Variants in CD226 observed in about 807,000 individuals in gnomAD.
CD226 encodes the protein CD226 molecule, also known as CD226 antigen.
A neutral mutation model predicts 34.9 loss-of-function variants in CD226; 24 were observed. That is an observed-to-expected ratio of 0.69 (90% CI 0.50 to 0.97). CD226 has a LOEUF of 0.97. Ranked by LOEUF, CD226 falls within the 50% of genes least tolerant of loss-of-function variation. The pLI, the probability that CD226 is intolerant of heterozygous loss-of-function variation, is 0.00. For synonymous variants in CD226, 148 were observed against 147.4 expected, an observed-to-expected ratio of 1.00 and a Z score of -0.03; for missense variants, 397 against 412.7, an observed-to-expected ratio of 0.96 and a Z score of 0.33.
chr18:69,932,899 G>C (rs1031010818), intron 2 of CD226, among the ~76,000 whole-genome samples: 9 of 152,166 alleles, frequency 5.9e-5, no homozygotes, highest in African/African-American at 2.2e-4. Context: ...ATGAGGGACT[G>C]GGACATTTCT....
intron 2 of CD226, among the ~76,000 whole-genome samples, chr18:69,939,053 T>C (rs2055690353): frequency 1.3e-5 from 2 of 152,106 alleles, no homozygotes; most frequent in African/African-American, 2.4e-5. Context: ...GCCACTGCAC[T>C]CCAGCCTGGG....
chr18:69,934,582 T>C (rs137862452), intron 2 of CD226, among the ~76,000 whole-genome samples: 1,884 of 152,338 alleles, frequency 0.012, 24 homozygotes, highest in South Asian at 0.037. Context: ...AGTATGAATA[T>C]TGTGTTTTAC....
Position 69,895,726 on chromosome 18 carries a change from G to T in CD226, c.702C>A (p.Phe234Leu), listed in dbSNP as rs766509590. Residue 234 changes from phenylalanine (F) to leucine (L), a missense_variant, in exon 3 of 6, where the codon TTC (phenylalanine) becomes TTA (leucine). Coordinates refer to ENST00000582621, the MANE Select transcript of CD226 (RefSeq NM_001303618.2). ...CCTCGGCTACAGTCAATCTCATCACGAAGGTTTCGTTTTCTCCTGCGCTGG... is the reference window on the plus strand; with the variant it reads ...CCTCGGCTACAGTCAATCTCATCACTAAGGTTTCGTTTTCTCCTGCGCTGG... The part of the protein sequence containing the change: ...LQASAGENET[F>L]VMRLTVAEGK... The T allele has an allele frequency of 1.1e-5, 18 of 1,613,470 alleles. No homozygotes were observed. In the Admixed American group the frequency reaches 3.0e-4, roughly 27 times the overall value.
chr18:69,904,091 C>G (rs781734765), intron 2 of CD226, among the ~76,000 whole-genome samples: 1 of 152,066 alleles, frequency 6.6e-6, no homozygotes, highest in Non-Finnish European at 1.5e-5. Flanking sequence ...AAAAAATAAG[C>G]TAAAAGACCG....
At position 69,872,694 on chromosome 18, in the gene CD226, G is replaced by A. The variant is rs917049952; in HGVS notation, c.830+450C>T. Among the ~76,000 whole-genome samples the A allele has an allele frequency of 2.0e-5, 3 of 152,188 alleles. No individual in the cohort carries two copies. In the South Asian group the frequency reaches 6.2e-4, roughly 31 times the overall value. ...ATATACAACTATTTGAAATTATGCT[G>A]TTTGCTTATTGGGATGTGAGCTTCA... On this transcript the variant is annotated intron_variant, in intron 4 of 5. Transcript: ENST00000582621.
rs867510230 is a variant in CD226 at position 69,922,533 on chromosome 18, G to A, written c.382+24201C>T. Among the ~76,000 whole-genome samples, 50 of 152,212 alleles carry A rather than the reference G, an allele frequency of 3.3e-4. 3 individuals carry two copies. In the South Asian group the frequency reaches 7.1e-3, roughly 21 times the overall value. On this transcript the variant is annotated intron_variant, in intron 2 of 5. Transcript: ENST00000582621. ...TAGGCTCAAGCAATCCTCCTGCCTCGGTTTCCCAAAATTCTGTGATTACAG... is the reference window on the plus strand; with the variant it reads ...TAGGCTCAAGCAATCCTCCTGCCTCAGTTTCCCAAAATTCTGTGATTACAG...
At chr18:69,938,119 G>C (rs1355013140) in intron 2 of CD226, among the ~76,000 whole-genome samples, 3 of 152,184 alleles carry the variant, frequency 2.0e-5, no homozygotes, top group African/African-American at 7.2e-5. Flanking sequence ...TCTGTGCCCA[G>C]TTTGAGATAA....
At chr18:69,949,333 T>G (rs1322639754), upstream of CD226, among the ~76,000 whole-genome samples, 3 of 152,152 alleles carry the variant, frequency 2.0e-5, 1 homozygote, top group Non-Finnish European at 4.4e-5. Context: ...ATAATCTTGG[T>G]CACTGTACAG....
chr18:69,957,402 T>C (rs2055907141), upstream of CD226, among the ~76,000 whole-genome samples: 1 of 152,084 alleles, frequency 6.6e-6, no homozygotes, highest in Non-Finnish European at 1.5e-5. Flanking sequence ...CACAAGTCGG[T>C]GTTTCCTGAG....
chr18:69,943,871 T>G (rs958377381), intron 2 of CD226, among the ~76,000 whole-genome samples: 1 of 151,716 alleles, frequency 6.6e-6, no homozygotes, highest in African/African-American at 2.4e-5. Context: ...TATCAATAAA[T>G]AGCAAAAAAT....
At chr18:69,871,004 C>G (rs1172960246) in intron 4 of CD226, among the ~76,000 whole-genome samples, 1 of 152,206 alleles carries the variant, frequency 6.6e-6, no homozygotes, top group Non-Finnish European at 1.5e-5. Context: ...CTCCTTTTAT[C>G]ACATTTAACC....
At chr18:69,887,801 A>T (rs539034365) in intron 3 of CD226, among the ~76,000 whole-genome samples, 46 of 152,358 alleles carry the variant, frequency 3.0e-4, no homozygotes, top group African/African-American at 1.1e-3. Flanking sequence ...CCTGGAAATG[A>T]ATTTTAGAGT....
chr18:69,877,201 T>A (rs936525879), intron 3 of CD226, among the ~76,000 whole-genome samples: 13 of 152,158 alleles, frequency 8.5e-5, no homozygotes, highest in Non-Finnish European at 1.6e-4. Flanking sequence ...GGCCTCAAGC[T>A]GGGGTTCCCA....
At chr18:69,912,003 C>T (rs531853823) in intron 2 of CD226, among the ~76,000 whole-genome samples, 100 of 151,078 alleles carry the variant, frequency 6.6e-4, no homozygotes, top group African/African-American at 2.3e-3. Context: ...CAAAATGTTT[C>T]TTTCTTTTTT....
intron 2 of CD226, among the ~76,000 whole-genome samples, chr18:69,929,195 C>T (rs756841344): frequency 6.6e-6 from 1 of 152,172 alleles, no homozygotes; most frequent in Non-Finnish European, 1.5e-5. Context: ...ATTAATAGTC[C>T]ATCCAGATGT....
At chr18:69,960,117 G>C (rs769360760), upstream of CD226, among the ~76,000 whole-genome samples, 1 of 151,978 alleles carries the variant, frequency 6.6e-6, no homozygotes, top group Non-Finnish European at 1.5e-5. Context: ...GTGCACGTCT[G>C]TAATCCCAGC....
chr18:69,952,354 A>G (rs1273172929), upstream of CD226, among the ~76,000 whole-genome samples: 2 of 152,224 alleles, frequency 1.3e-5, no homozygotes, highest in Non-Finnish European at 2.9e-5. Flanking sequence ...GGTTATATTA[A>G]AAGTCCAGAC....
chr18:69,926,234 T>C (rs1222886759), intron 2 of CD226, among the ~76,000 whole-genome samples: 2 of 151,976 alleles, frequency 1.3e-5, no homozygotes, highest in Admixed American at 1.3e-4. Flanking sequence ...ATACATTATG[T>C]TTCAGGATGA....
chr18:69,861,431 CTTA>C lies in CD226; in HGVS notation c.*2880_*2882del, dbSNP rs994734977. Reference sequence around the variant, plus strand: ...GTACTCCATTAACAAGTCTTCCTATCTTATTATAACAAAGTAATTTCCTTTCAT... The same window carrying C: ...GTACTCCATTAACAAGTCTTCCTATCTTATAACAAAGTAATTTCCTTTCAT... On this transcript the variant is annotated 3_prime_UTR_variant, in exon 6 of 6. Coordinates refer to ENST00000582621, the MANE Select transcript of CD226 (RefSeq NM_001303618.2). 23 of 150,700 alleles carry C rather than the reference CTTA, an allele frequency of 1.5e-4. No individual in the cohort carries two copies. Among genetic ancestry groups the C allele is most frequent in the Non-Finnish European group, 3.4e-4 (23 of 67,608 alleles). The allele number at this position is 150,700 out of a possible 1,614,324, so 9.3% of individuals were successfully genotyped here.
Sources: allele counts gnomAD v4.1 joint callset (sites outside exome capture counted in the v4.1 genomes callset), GRCh38; gene constraint gnomAD v4.1.1; transcripts MANE v1.5; gene names NCBI Gene and HGNC (gene_info 2026-07-23, HGNC 2026-07-21).